The following PPP3CA variants were observed in gnomAD, a reference collection of about 807,000 sequenced individuals.
The protein encoded by PPP3CA is CAM-PRP catalytic subunit.
PPP3CA carries 14 observed loss-of-function variants against 66.5 expected under a neutral mutation model. The ratio of observed to expected loss-of-function variants is 0.21; its 90% CI spans 0.14 to 0.33. The LOEUF (loss-of-function observed/expected upper bound fraction) is 0.33, where lower values mean the gene tolerates loss of function less well. PPP3CA is among the 10% of genes least tolerant of loss of function. The pLI, the probability that PPP3CA is intolerant of heterozygous loss-of-function variation, is 1.00. For missense variants in PPP3CA, 317 were observed against 639.5 expected (o/e 0.50, Z 5.44); for synonymous variants, 232 against 226.2 (o/e 1.03, Z -0.23).
In PPP3CA at chr4:101,049,806, T is replaced by C. The variant is rs148821688; in HGVS notation, c.1157-9240A>G. ...TATTACATTTGATTGTCTCATATGT[T>C]TTACCCTAGATAAAAAGTTAATTTG... On this transcript the variant is annotated intron_variant, in intron 10 of 13. Transcript: ENST00000394854. Among the ~76,000 whole-genome samples, 6 of 152,178 alleles carry C rather than the reference T, an allele frequency of 3.9e-5. No individual in the cohort carries two copies. The East Asian group carries it at 1.2e-3, about 29-fold the overall frequency.
intron 1 of PPP3CA, among the ~76,000 whole-genome samples, chr4:101,334,810 C>G (rs111302484): frequency 6.6e-6 from 1 of 152,018 alleles, no homozygotes; most frequent in African/African-American, 2.4e-5. Flanking sequence ...GGCCTTTCTT[C>G]CCCCCAGAGA....
intron 1 of PPP3CA, among the ~76,000 whole-genome samples, chr4:101,251,859 G>A (rs1726688362): frequency 6.6e-6 from 1 of 152,210 alleles, no homozygotes; most frequent in East Asian, 1.9e-4. Flanking sequence ...CTATAAGCAA[G>A]AACATATGTA....
At chr4:101,336,633 G>A (rs1729643411) in intron 1 of PPP3CA, among the ~76,000 whole-genome samples, 1 of 151,518 alleles carries the variant, frequency 6.6e-6, no homozygotes, top group Admixed American at 6.6e-5. Flanking sequence ...GCTCTCTGGA[G>A]GCAAACAGGT....
chr4:101,200,213 TGG>T (rs1448357894), intron 1 of PPP3CA, among the ~76,000 whole-genome samples: 43 of 152,290 alleles, frequency 2.8e-4, no homozygotes, highest in African/African-American at 1.0e-3. Flanking sequence ...GTCATTGCCA[TGG>T]TGACACCTTG....
chr4:101,097,553 A>G (rs1358792609), intron 5 of PPP3CA, among the ~76,000 whole-genome samples: 2 of 152,170 alleles, frequency 1.3e-5, no homozygotes, highest in Admixed American at 1.3e-4. Flanking sequence ...ATGACCTAAG[A>G]AAACATTTAC....
At chr4:101,153,728 T>C (rs764261420) in intron 2 of PPP3CA, among the ~76,000 whole-genome samples, 3 of 152,146 alleles carry the variant, frequency 2.0e-5, no homozygotes, top group East Asian at 1.9e-4. Flanking sequence ...GTTATCTACC[T>C]AGCAAAAAGG....
intron 1 of PPP3CA, among the ~76,000 whole-genome samples, chr4:101,243,768 G>A (rs1303793746): frequency 6.6e-6 from 1 of 152,146 alleles, no homozygotes; most frequent in Admixed American, 6.5e-5. Context: ...TTCTTGGCCA[G>A]GAGTTAAACA....
chr4:101,052,100 AAC>A (rs1728036570), intron 10 of PPP3CA, among the ~76,000 whole-genome samples: 1 of 152,058 alleles, frequency 6.6e-6, no homozygotes, highest in Non-Finnish European at 1.5e-5. Flanking sequence ...ATAATTAAGA[AAC>A]ACATTTGTGC....
At chr4:101,047,930 A>G (rs555270053) in intron 10 of PPP3CA, among the ~76,000 whole-genome samples, 1 of 152,256 alleles carries the variant, frequency 6.6e-6, no homozygotes, top group South Asian at 2.1e-4. Flanking sequence ...CTAACATATG[A>G]TAATTATTCA....
At chr4:101,042,873 A>G (rs1401008663) in intron 10 of PPP3CA, among the ~76,000 whole-genome samples, 5 of 148,406 alleles carry the variant, frequency 3.4e-5, no homozygotes, top group Non-Finnish European at 5.9e-5. Flanking sequence ...ATACATGTAT[A>G]TATATATTTC....
intron 1 of PPP3CA, among the ~76,000 whole-genome samples, chr4:101,275,792 T>C (rs1727470507): frequency 6.6e-6 from 1 of 152,160 alleles, no homozygotes; most frequent in South Asian, 2.1e-4. Flanking sequence ...AAGGTCACTT[T>C]TACATCTTTT....
chr4:101,274,346 G>A (rs1414592178), intron 1 of PPP3CA, among the ~76,000 whole-genome samples: 2 of 152,244 alleles, frequency 1.3e-5, no homozygotes, highest in South Asian at 4.1e-4. Context: ...TAACATAGAT[G>A]AGAAAATATG....
At chr4:101,070,645 T>A (rs1728877075) in intron 8 of PPP3CA, among the ~76,000 whole-genome samples, 1 of 152,236 alleles carries the variant, frequency 6.6e-6, no homozygotes, top group South Asian at 2.1e-4. Flanking sequence ...ATGATTAATA[T>A]GCATAATAAT....
chr4:101,234,416 T>C (rs1726062261), intron 1 of PPP3CA, among the ~76,000 whole-genome samples: 1 of 151,828 alleles, frequency 6.6e-6, no homozygotes, highest in South Asian at 2.1e-4. Flanking sequence ...ACTTTTTAGT[T>C]AATAGCCATT....
At chr4:101,329,436 G>A (rs1046846254) in intron 1 of PPP3CA, among the ~76,000 whole-genome samples, 1 of 152,160 alleles carries the variant, frequency 6.6e-6, no homozygotes, top group Non-Finnish European at 1.5e-5. Flanking sequence ...AAAATGCAAA[G>A]TGAAGCAGCA....
chr4:101,240,669 A>C (rs1726276283), intron 1 of PPP3CA: 1 of 152,150 alleles, frequency 6.6e-6, no homozygotes, highest in Admixed American at 6.6e-5. Flanking sequence ...TTTCTCAATA[A>C]ATCAAATACT....
intron 1 of PPP3CA, among the ~76,000 whole-genome samples, chr4:101,250,148 T>C (rs752370863): frequency 2.6e-5 from 4 of 152,220 alleles, no homozygotes; most frequent in Non-Finnish European, 4.4e-5. Flanking sequence ...ATGAGATTTC[T>C]GATATAAATT....
intron 1 of PPP3CA, among the ~76,000 whole-genome samples, chr4:101,258,678 C>A (rs1391968592): frequency 6.6e-6 from 1 of 152,036 alleles, no homozygotes; most frequent in African/African-American, 2.4e-5. Context: ...ATTTCCTGGT[C>A]CTCATCTCTT....
At chr4:101,180,524 A>C (rs1724200881) in intron 2 of PPP3CA, among the ~76,000 whole-genome samples, 1 of 152,106 alleles carries the variant, frequency 6.6e-6, no homozygotes. Context: ...CCTATTATTT[A>C]TAATTGTATG....
Sources: allele counts gnomAD v4.1 joint callset (sites outside exome capture counted in the v4.1 genomes callset), GRCh38; gene constraint gnomAD v4.1.1; transcripts MANE v1.5; gene names NCBI Gene and HGNC (gene_info 2026-07-23, HGNC 2026-07-21).